The following FUT9 variants were observed in gnomAD, a reference collection of about 807,000 sequenced individuals.
FUT9 encodes fucosyltransferase 9.
A neutral mutation model predicts 29.7 loss-of-function variants in FUT9; 15 were observed. The ratio of observed to expected loss-of-function variants is 0.51; its 90% CI spans 0.34 to 0.78. FUT9 has a LOEUF of 0.78. Among genes scored for constraint, FUT9 ranks in the 30% least tolerant of loss-of-function variants. The pLI, the probability that FUT9 is intolerant of heterozygous loss-of-function variation, is 0.01. For synonymous variants in FUT9, 169 were observed against 153.7 expected, an observed-to-expected ratio of 1.10 and a Z score of -0.74; for missense variants, 319 against 425.4, an observed-to-expected ratio of 0.75 and a Z score of 2.20.
intron 2 of FUT9, among the ~76,000 whole-genome samples, chr6:96,192,700 T>C (rs1414316295): frequency 1.3e-5 from 2 of 151,956 alleles, no homozygotes; most frequent in Admixed American, 1.3e-4. Context: ...TGGAAAAAAC[T>C]ACTTTAAAGT....
At chr6:96,172,205 T>C (rs1403466593) in intron 2 of FUT9, among the ~76,000 whole-genome samples, 1 of 152,100 alleles carries the variant, frequency 6.6e-6, no homozygotes, top group Admixed American at 6.6e-5. Context: ...CAGGACCTAA[T>C]GAATTCCCCA....
chr6:96,064,102 T>TTGGGGTAG (rs1770921740), intron 1 of FUT9, among the ~76,000 whole-genome samples: 1 of 152,128 alleles, frequency 6.6e-6, no homozygotes, highest in Admixed American at 6.5e-5. Flanking sequence ...ACTACTCACA[T>TTGGGGTAG]TGGGGTAGAA....
In FUT9 at chr6:96,203,810, G is replaced by A. The variant is rs765166497; in HGVS notation, c.655G>A (p.Gly219Arg). Residue 219 changes from glycine (G) to arginine (R), a missense_variant, in exon 3 of 3, where the codon GGG (glycine) becomes AGG (arginine). Physicochemically the swap from Gly to Arg is moderately radical, Grantham distance 125. Coordinates refer to ENST00000302103, the MANE Select transcript of FUT9 (RefSeq NM_006581.4). ...CAAAAGCATTGAAATCCATACCTAC[G>A]GGCAAGCATTTGGAGAATATGTCAA... Reference protein sequence around the residue: ...LSKSIEIHTYGQAFGEYVNDK... With the variant: ...LSKSIEIHTYRQAFGEYVNDK... 3 of 1,612,810 alleles carry A rather than the reference G, an allele frequency of 1.9e-6. No homozygotes were observed. Among genetic ancestry groups the A allele is most frequent in the Non-Finnish European group, 2.5e-6 (3 of 1,178,996 alleles).
At chr6:96,159,461 G>T (rs1772855679) in intron 2 of FUT9, among the ~76,000 whole-genome samples, 1 of 151,976 alleles carries the variant, frequency 6.6e-6, no homozygotes, top group South Asian at 2.1e-4. Flanking sequence ...TATTAAGATG[G>T]GTTCTACAAG....
At chr6:96,024,272 G>A (rs1770124537) in intron 1 of FUT9, among the ~76,000 whole-genome samples, 1 of 151,776 alleles carries the variant, frequency 6.6e-6, no homozygotes, top group Admixed American at 6.6e-5. Context: ...TATGTCATTT[G>A]ATACCCATTG....
At chr6:96,055,934 T>C (rs961560018) in intron 1 of FUT9, among the ~76,000 whole-genome samples, 4 of 152,158 alleles carry the variant, frequency 2.6e-5, no homozygotes, top group Non-Finnish European at 4.4e-5. Context: ...TTATTATTTG[T>C]CTTCTATGTT....
At chr6:96,157,676 TG>T (rs1322492607) in intron 2 of FUT9, among the ~76,000 whole-genome samples, 6 of 152,322 alleles carry the variant, frequency 3.9e-5, no homozygotes, top group African/African-American at 1.4e-4. Context: ...ATTCAGTTAA[TG>T]ATTTCAAAAT....
At chr6:96,155,142 T>G (rs1772755548) in intron 2 of FUT9, among the ~76,000 whole-genome samples, 1 of 152,160 alleles carries the variant, frequency 6.6e-6, no homozygotes, top group African/African-American at 2.4e-5. Context: ...AATGCCTGCC[T>G]TTTTTTGAAT....
At chr6:96,077,051 G>T (rs1295096547) in intron 1 of FUT9, among the ~76,000 whole-genome samples, 1 of 151,932 alleles carries the variant, frequency 6.6e-6, no homozygotes, top group Non-Finnish European at 1.5e-5. Context: ...TCCCTCCCCA[G>T]CCCTTGCCTT....
intron 1 of FUT9, among the ~76,000 whole-genome samples, chr6:96,026,350 C>G (rs896834938): frequency 6.6e-6 from 1 of 151,520 alleles, no homozygotes; most frequent in Non-Finnish European, 1.5e-5. Flanking sequence ...AAGAAGGAAG[C>G]TTTTGGAACA....
At position 96,179,209 on chromosome 6, in the gene FUT9, T is replaced by G. The variant is rs553205677; in HGVS notation, c.-8-23939T>G. Among the ~76,000 whole-genome samples, 89 of 152,294 alleles carry G rather than the reference T, an allele frequency of 5.8e-4. 1 individual carries two copies. Among genetic ancestry groups the G allele is most frequent in the South Asian group, 2.3e-3 (11 of 4,824 alleles). On this transcript the variant is annotated intron_variant, in intron 2 of 2. Coordinates refer to ENST00000302103, the MANE Select transcript of FUT9 (RefSeq NM_006581.4). ...AAACTATCAGGTTAGAATGTTTGATTGAACTTTCATGCATTCATTTTTTAT... is the reference window on the plus strand; with the variant it reads ...AAACTATCAGGTTAGAATGTTTGATGGAACTTTCATGCATTCATTTTTTAT...
chr6:96,150,386 T>G (rs1242766283), intron 2 of FUT9, among the ~76,000 whole-genome samples: 1 of 151,738 alleles, frequency 6.6e-6, no homozygotes, highest in Non-Finnish European at 1.5e-5. Flanking sequence ...GAGAAGGAGG[T>G]GTGAGGCACC....
chr6:96,124,833 T>G (rs918232132), intron 2 of FUT9, among the ~76,000 whole-genome samples: 2 of 152,156 alleles, frequency 1.3e-5, no homozygotes, highest in Admixed American at 6.5e-5. Context: ...TCCAAAAAGA[T>G]GTATAATTTT....
At chr6:96,199,273 G>A (rs1773685831) in intron 2 of FUT9, among the ~76,000 whole-genome samples, 1 of 152,076 alleles carries the variant, frequency 6.6e-6, no homozygotes. Context: ...TAGTCATGAG[G>A]AATAGGTGAA....
chr6:96,120,328 T>C (rs1420686130), intron 2 of FUT9, among the ~76,000 whole-genome samples: 1 of 145,926 alleles, frequency 6.9e-6, no homozygotes, highest in African/African-American at 2.5e-5. Context: ...TGGAGTGCAG[T>C]GGTGCGATCT....
chr6:96,093,500 G>C (rs1012293055), intron 1 of FUT9, among the ~76,000 whole-genome samples: 3 of 151,924 alleles, frequency 2.0e-5, no homozygotes, highest in Admixed American at 1.3e-4. Context: ...CAGAGGAAAG[G>C]GATATGCTAA....
intron 2 of FUT9, among the ~76,000 whole-genome samples, chr6:96,127,677 C>T (rs1209360439): frequency 6.6e-6 from 1 of 152,132 alleles, no homozygotes; most frequent in Non-Finnish European, 1.5e-5. Flanking sequence ...TCTTTCTCCT[C>T]AACCTTGCCA....
At chr6:96,155,544 G>A (rs9399789) in intron 2 of FUT9, among the ~76,000 whole-genome samples, 26,035 of 151,884 alleles carry the variant, frequency 0.17, 2,481 homozygotes, top group Admixed American at 0.25. Flanking sequence ...GTGGTGGCAG[G>A]TGCCTGTAGT....
rs1770942397 is a variant in FUT9, at chr6:96,065,190, GAGA to G, written c.-97-48848_-97-48846del. 2.0e-5 allele frequency among the ~76,000 whole-genome samples: 3 copies of G among 152,076 alleles called. No homozygotes were observed. In the South Asian group the frequency reaches 6.2e-4, roughly 32 times the overall value. ...CTTGGCCAAATTATAAAAATATTCTGAGACTTAGTTTCCTTATTGTAAGATAAG... is the reference window on the plus strand; with the variant it reads ...CTTGGCCAAATTATAAAAATATTCTGCTTAGTTTCCTTATTGTAAGATAAG... On this transcript the variant is annotated intron_variant, in intron 1 of 2. Coordinates refer to ENST00000302103, the MANE Select transcript of FUT9 (RefSeq NM_006581.4).
Sources: allele counts gnomAD v4.1 joint callset (sites outside exome capture counted in the v4.1 genomes callset), GRCh38; gene constraint gnomAD v4.1.1; transcripts MANE v1.5; gene names NCBI Gene and HGNC (gene_info 2026-07-23, HGNC 2026-07-21).